Variants in FPR3 observed in about 807,000 individuals in gnomAD.
FPR3 encodes the protein N-formyl peptide receptor 3.
For missense variants in FPR3, 346 were observed against 443.2 expected (o/e 0.78, Z 1.97); for synonymous variants, 135 against 163.6 (o/e 0.83, Z 1.34).
intron 1 of FPR3, among the ~76,000 whole-genome samples, chr19:51,822,965 C>A (rs1191566036): frequency 6.6e-6 from 1 of 152,080 alleles, no homozygotes; most frequent in Non-Finnish European, 1.5e-5. Context: ...CAGGTTCAAG[C>A]AATTCTCCTG....
At position 51,824,825 on chromosome 19, in the gene FPR3, T is replaced by C. The variant is rs780815157; in HGVS notation, c.*15T>C. 2.5e-6 allele frequency: 4 copies of C among 1,589,098 alleles called. No homozygotes were observed. Among genetic ancestry groups the C allele is most frequent in the African/African-American group, 2.7e-5 (2 of 74,008 alleles). On this transcript the variant is annotated 3_prime_UTR_variant, in exon 2 of 2. Transcript: ENST00000339223. This position sits in a 1 kb window ranked among gnomAD's most constrained non-coding sequence, Gnocchi z 4.7. ...AAGCAATGTGAGGTCGGGGATATTTTTGGGCTCTGTCTCTTTCTACCCTGC... is the reference window on the plus strand; with the variant it reads ...AAGCAATGTGAGGTCGGGGATATTTCTGGGCTCTGTCTCTTTCTACCCTGC...
intron 1 of FPR3, among the ~76,000 whole-genome samples, chr19:51,802,144 G>A (rs757259038): frequency 7.2e-5 from 11 of 151,942 alleles, no homozygotes; most frequent in Admixed American, 1.3e-4. Flanking sequence ...TAATAAAAGC[G>A]TGATTATCGA....
At chr19:51,807,474 C>T (rs183477992) in intron 1 of FPR3, among the ~76,000 whole-genome samples, 1,708 of 152,230 alleles carry the variant, frequency 0.011, 95 homozygotes, top group Admixed American at 0.1. Context: ...CATGGGCCTT[C>T]GGGTCCCTGC....
At chr19:51,821,275 T>A (rs1479259489) in intron 1 of FPR3, among the ~76,000 whole-genome samples, 1 of 152,188 alleles carries the variant, frequency 6.6e-6, no homozygotes, top group Non-Finnish European at 1.5e-5. Flanking sequence ...AGAGTAGCGA[T>A]CTAACTGACC....
chr19:51,810,303 C>T (rs1268464639), intron 1 of FPR3, among the ~76,000 whole-genome samples: 4 of 152,196 alleles, frequency 2.6e-5, no homozygotes, highest in Admixed American at 6.5e-5. Flanking sequence ...TTACAATCCG[C>T]GTTTGCATCC....
At chr19:51,813,119 AACACACACAC>A (rs35245083) in intron 1 of FPR3, among the ~76,000 whole-genome samples, 59 of 137,210 alleles carry the variant, frequency 4.3e-4, no homozygotes, top group Admixed American at 8.1e-4. Context: ...GCTCTGTCTC[AACACACACAC>A]ACACACACAC....
At chr19:51,800,987 A>G (rs1037515828) in intron 1 of FPR3, among the ~76,000 whole-genome samples, 1 of 152,222 alleles carries the variant, frequency 6.6e-6, no homozygotes, top group Non-Finnish European at 1.5e-5. Context: ...GTGACTGTCC[A>G]GTGGCACCGG....
chr19:51,822,789 G>A (rs887681657), intron 1 of FPR3, among the ~76,000 whole-genome samples: 6 of 152,158 alleles, frequency 3.9e-5, no homozygotes, highest in African/African-American at 1.2e-4. Flanking sequence ...AAAAGCAGAC[G>A]GGAGAAAGTA....
chr19:51,807,227 G>A (rs2084065838), intron 1 of FPR3, among the ~76,000 whole-genome samples: 1 of 152,032 alleles, frequency 6.6e-6, no homozygotes. Flanking sequence ...GGGGGGGGTG[G>A]TTGCTGGCTA....
chr19:51,801,658 G>T (rs906018243), intron 1 of FPR3, among the ~76,000 whole-genome samples: 1 of 152,156 alleles, frequency 6.6e-6, no homozygotes, highest in Non-Finnish European at 1.5e-5. Flanking sequence ...CTGGGTGCCT[G>T]TAATCCCAGC....
At chr19:51,807,309 ACT>A (rs745568583) in intron 1 of FPR3, among the ~76,000 whole-genome samples, 1 of 152,062 alleles carries the variant, frequency 6.6e-6, no homozygotes, top group Non-Finnish European at 1.5e-5. Flanking sequence ...TCAATAGATA[ACT>A]CTCAATAGAT....
chr19:51,819,887 G>A (rs1340881069), intron 1 of FPR3, among the ~76,000 whole-genome samples: 5 of 152,186 alleles, frequency 3.3e-5, no homozygotes, highest in African/African-American at 1.2e-4. Flanking sequence ...ATCAAATCTT[G>A]AGGGTTTCTT....
At chr19:51,799,831 C>T (rs1195527644) in intron 1 of FPR3, among the ~76,000 whole-genome samples, 1 of 152,240 alleles carries the variant, frequency 6.6e-6, no homozygotes, top group Non-Finnish European at 1.5e-5. Context: ...GCCATACATG[C>T]TTCTCTGGTG....
At chr19:51,814,471 C>T (rs2084119776) in intron 1 of FPR3, among the ~76,000 whole-genome samples, 1 of 145,824 alleles carries the variant, frequency 6.9e-6, no homozygotes, top group African/African-American at 2.6e-5. Flanking sequence ...TGCCTCACCT[C>T]TCAAGGTTTT....
chr19:51,824,577 T>C lies in FPR3; in HGVS notation c.829T>C (p.Tyr277His). Residue 277 changes from tyrosine to histidine, a missense_variant, in exon 2 of 2, where the codon TAC (tyrosine) becomes CAC (histidine). Transcript: ENST00000339223. The surrounding 1 kb of genome is among the most constrained non-coding windows in gnomAD (Gnocchi z 4.7). ...CAAAGAGATGTTGTTAAATGGCAAA[T>C]ACAAAATCATTCTTGTCCTGATTAA... ...WLKEMLLNGK[Y>H]KIILVLINPT... 4 of 1,614,166 alleles carry C rather than the reference T, an allele frequency of 2.5e-6. No individual in the cohort carries two copies. Among genetic ancestry groups the C allele is most frequent in the South Asian group, 1.1e-5 (1 of 91,074 alleles).
intron 1 of FPR3, among the ~76,000 whole-genome samples, chr19:51,818,438 GA>G (rs1452016310): frequency 6.6e-6 from 1 of 152,168 alleles, no homozygotes; most frequent in Non-Finnish European, 1.5e-5. Context: ...ACACAGCACT[GA>G]AAGAAGGTGC....
rs1320091390 is a variant in FPR3, at chr19:51,823,821, C to G, written c.73C>G (p.Leu25Val). Reference sequence around the variant, plus strand: ...CCCTGAGCCTGCTGGCCACACCGTTCTGTGGATCTTCTCATTGCTAGTCCA... The same window carrying G: ...CCCTGAGCCTGCTGGCCACACCGTTGTGTGGATCTTCTCATTGCTAGTCCA... ...VLPEPAGHTV[L>V]WIFSLLVHGV... is the part of the protein sequence containing the mutation. Residue 25 changes from leucine (L) to valine (V), a missense_variant, in exon 2 of 2, where the codon CTG (leucine) becomes GTG (valine). Physicochemically the swap from Leu to Val is conservative, Grantham distance 32. Coordinates refer to ENST00000339223, the MANE Select transcript of FPR3 (RefSeq NM_002030.5). 1 of 1,613,994 alleles carries G rather than the reference C, an allele frequency of 6.2e-7. No individual in the cohort carries two copies. Among genetic ancestry groups the G allele is most frequent in the Non-Finnish European group, 8.5e-7 (1 of 1,179,928 alleles).
At chr19:51,799,976 A>G (rs2084019355) in intron 1 of FPR3, among the ~76,000 whole-genome samples, 1 of 152,226 alleles carries the variant, frequency 6.6e-6, no homozygotes, top group South Asian at 2.1e-4. Context: ...CTCTACCTCC[A>G]TCTTGCTGAT....
chr19:51,796,252 C>A (rs970306696), intron 1 of FPR3, among the ~76,000 whole-genome samples: 4 of 152,168 alleles, frequency 2.6e-5, no homozygotes, highest in African/African-American at 9.7e-5. Context: ...CCTGAGATGA[C>A]AAAGAGCTGC....
Sources: allele counts gnomAD v4.1 joint callset (sites outside exome capture counted in the v4.1 genomes callset), GRCh38; gene constraint gnomAD v4.1.1; non-coding constraint Gnocchi (gnomAD v3.1); transcripts MANE v1.5; gene names NCBI Gene and HGNC (gene_info 2026-07-23, HGNC 2026-07-21).